The following BLZF1 variants were observed in gnomAD, a reference collection of about 807,000 sequenced individuals.
BLZF1 encodes basic leucine zipper nuclear factor 1, also known as golgin-45.
BLZF1 carries 39 observed loss-of-function variants against 43.8 expected under a neutral mutation model. That is an observed-to-expected ratio of 0.89 (90% CI 0.69 to 1.16). The LOEUF (loss-of-function observed/expected upper bound fraction) is 1.16, where lower values mean the gene tolerates loss of function less well. Ranked by LOEUF, BLZF1 falls within the 50% of genes most tolerant of loss-of-function variation. BLZF1 has a pLI of 0.00. For missense variants in BLZF1, 449 were observed against 469.8 expected, an observed-to-expected ratio of 0.96 and a Z score of 0.41; for synonymous variants, 136 against 159.4, an observed-to-expected ratio of 0.85 and a Z score of 1.11.
intron 4 of BLZF1, among the ~76,000 whole-genome samples, chr1:169,379,836 AT>A (rs1377593180): frequency 5.3e-5 from 8 of 152,134 alleles, no homozygotes; most frequent in South Asian, 2.1e-4. Flanking sequence ...AGATAGCTGT[AT>A]ATGTGCTAAT....
rs200837980 is a variant in BLZF1, at chr1:169,387,151, A to G, written c.1172A>G (p.Asn391Ser). The G allele has an allele frequency of 5.7e-5, 92 of 1,613,424 alleles. No individual in the cohort carries two copies. The East Asian group carries it at 8.3e-4, about 14-fold the overall frequency. The change falls in exon 7 of 7, where the codon AAT (asparagine) becomes AGT (serine). Residue 391 changes from asparagine (N) to serine (S), a missense_variant. Transcript: ENST00000367808. ...RYENITFNCC[N>S]HCRGELIAL ...GAAAATATAACTTTCAATTGCTGCA[A>G]TCACTGCCGGGGAGAACTGATTGCC...
intron 6 of BLZF1, 79 bp downstream of exon 6, chr1:169,382,360 T>C: frequency 1.6e-6 from 2 of 1,271,416 alleles, no homozygotes; most frequent in Non-Finnish European, 2.2e-6. Context: ...TGGAAAGCAT[T>C]TGGCATTAGG....
In BLZF1 at chr1:169,376,860, A is replaced by G. The variant is rs1380175561; in HGVS notation, c.349A>G (p.Ile117Val). ...GEFLGQSEGVIEPNKELSEVK... is the reference protein window; with the variant it reads ...GEFLGQSEGVVEPNKELSEVK... Reference sequence around the variant, plus strand: ...ATTCCTTGGTCAGTCAGAGGGAGTTATAGAACCTAATAAGGAACTCTCAGA... The same window carrying G: ...ATTCCTTGGTCAGTCAGAGGGAGTTGTAGAACCTAATAAGGAACTCTCAGA... The change falls in exon 3 of 7, where the codon ATA becomes GTA. Residue 117 changes from isoleucine to valine, a missense_variant. By Grantham distance (29) the Ile-to-Val change is conservative. Coordinates refer to ENST00000367808, the MANE Select transcript of BLZF1 (RefSeq NM_001320973.2). The G allele has an allele frequency of 1.2e-6, 2 of 1,613,330 alleles. No individual in the cohort carries two copies. Among genetic ancestry groups the G allele is most frequent in the East Asian group, 2.2e-5 (1 of 44,854 alleles).
intron 2 of BLZF1, among the ~76,000 whole-genome samples, chr1:169,373,384 C>T (rs1654188746): frequency 6.6e-6 from 1 of 152,136 alleles, no homozygotes; most frequent in African/African-American, 2.4e-5. Flanking sequence ...ACCATAGGTC[C>T]TTGTCTTCCC....
intron 2 of BLZF1, among the ~76,000 whole-genome samples, chr1:169,375,936 A>G (rs796248639): frequency 5.9e-5 from 9 of 152,178 alleles, no homozygotes; most frequent in African/African-American, 2.2e-4. Flanking sequence ...AAAGTGAGGT[A>G]TAAGGATGTT....
chr1:169,391,409 C>T (rs542180537), downstream of BLZF1, among the ~76,000 whole-genome samples: 179 of 152,322 alleles, frequency 1.2e-3, 1 homozygote, highest in Admixed American at 2.9e-3. Context: ...AGACTGTCTC[C>T]TTGCAAGCCA....
intron 6 of BLZF1, among the ~76,000 whole-genome samples, chr1:169,384,038 C>T (rs957392815): frequency 2.0e-5 from 3 of 152,150 alleles, no homozygotes; most frequent in Admixed American, 6.5e-5. Flanking sequence ...ACTTGTTCCA[C>T]AGATGGCTAA....
At chr1:169,370,595 G>T (rs1455882559) in intron 2 of BLZF1, among the ~76,000 whole-genome samples, 1 of 152,098 alleles carries the variant, frequency 6.6e-6, no homozygotes, top group East Asian at 1.9e-4. Context: ...TCTCAATGAC[G>T]CTTGCCAAAC....
chr1:169,394,905 A>T, intron 7 of BLZF1: 2 of 695,708 alleles, frequency 2.9e-6, no homozygotes, highest in South Asian at 2.8e-5. Context: ...ATTTTGTTCT[A>T]GTATTAAAAA....
At chr1:169,372,158 A>G (rs780677486) in intron 2 of BLZF1, among the ~76,000 whole-genome samples, 2 of 152,134 alleles carry the variant, frequency 1.3e-5, no homozygotes, top group Admixed American at 6.5e-5. Context: ...TATGTAACTT[A>G]TTTTACTAAT....
At position 169,369,282 on chromosome 1, in the gene BLZF1, A is replaced by ATTT. The variant is rs3831915; in HGVS notation, c.-50-182_-50-180dup. Among the ~76,000 whole-genome samples the ATTT allele has an allele frequency of 1.1e-3, 158 of 150,320 alleles. No individual in the cohort carries two copies. The East Asian group carries it at 0.016, about 15-fold the overall frequency. On this transcript the variant is annotated intron_variant, in intron 1 of 6. Transcript: ENST00000367808. The stretch of plus-strand genomic sequence containing the variant: ...AGTATTTAGAAGTAAACCACCCCTA[A>ATTT]TTTTTTTTTTTGAGACTTTTAGTAG...
At chr1:169,396,121 T>C (rs1438427822) in exon 8 of BLZF1, 1 of 152,174 alleles carries the variant, frequency 6.6e-6, no homozygotes, top group Non-Finnish European at 1.5e-5. Flanking sequence ...TGTAAATACA[T>C]GTACAGACAA....
At chr1:169,368,964 T>G (rs1411664775) in intron 1 of BLZF1, among the ~76,000 whole-genome samples, 1 of 152,208 alleles carries the variant, frequency 6.6e-6, no homozygotes, top group African/African-American at 2.4e-5. Context: ...CTTTTTACTT[T>G]TGGAGCTACA....
At chr1:169,395,234 G>T (rs375246077) in intron 7 of BLZF1, 12 of 1,595,056 alleles carry the variant, frequency 7.5e-6, no homozygotes, top group Non-Finnish European at 1.0e-5. Context: ...ATCAGATTTG[G>T]TGAGTATCAA....
intron 6 of BLZF1, among the ~76,000 whole-genome samples, chr1:169,386,627 C>G (rs955091651): frequency 6.8e-6 from 1 of 146,690 alleles, no homozygotes; most frequent in Non-Finnish European, 1.5e-5. Context: ...TTCAGTGAGC[C>G]GAGATCGCGC....
chr1:169,374,093 T>A (rs1210108485), intron 2 of BLZF1, among the ~76,000 whole-genome samples: 1 of 151,660 alleles, frequency 6.6e-6, no homozygotes, highest in Admixed American at 6.6e-5. Flanking sequence ...TAGCTGGGTG[T>A]GATGGCTCAC....
rs758198299 is a variant in BLZF1 at position 169,369,477 on chromosome 1, T to A, written c.-46T>A. 1.9e-6 allele frequency: 3 copies of A among 1,569,502 alleles called. No homozygotes were observed. Among genetic ancestry groups the A allele is most frequent in the Non-Finnish European group, 8.7e-7 (1 of 1,149,422 alleles). ...TTCATATGCATACATTTCTAGGTTG[T>A]TCAGCAGAAGTCTTGGAGTGCATTT... On this transcript the variant is annotated 5_prime_UTR_variant, in exon 2 of 7. Coordinates refer to ENST00000367808, the MANE Select transcript of BLZF1 (RefSeq NM_001320973.2).
intron 3 of BLZF1, among the ~76,000 whole-genome samples, chr1:169,378,009 A>G (rs1016233902): frequency 1.3e-5 from 2 of 151,954 alleles, no homozygotes; most frequent in Admixed American, 6.6e-5. Flanking sequence ...TTTTATCAAA[A>G]TATATTGGTT....
At chr1:169,379,665 G>T (rs10458397) in intron 4 of BLZF1, among the ~76,000 whole-genome samples, 81,028 of 151,726 alleles carry the variant, frequency 0.53, 22,464 homozygotes, top group Non-Finnish European at 0.6. Context: ...GAATTTGGTA[G>T]TAACTGCAGT....
Sources: allele counts gnomAD v4.1 joint callset (sites outside exome capture counted in the v4.1 genomes callset), GRCh38; gene constraint gnomAD v4.1.1; transcripts MANE v1.5; gene names NCBI Gene and HGNC (gene_info 2026-07-23, HGNC 2026-07-21).